TBC1D22B: variants seen among roughly 807,000 people sequenced by gnomAD.
The protein encoded by TBC1D22B is TBC1 domain family member 22B.
Under a neutral mutation model 69.1 loss-of-function variants are expected in TBC1D22B, and 32 were observed. That is an observed-to-expected ratio of 0.46 (90% CI 0.35 to 0.62). The LOEUF is 0.62. Ranked by LOEUF, TBC1D22B falls within the 20% of genes least tolerant of loss-of-function variation. TBC1D22B has a pLI of 0.00. For missense variants in TBC1D22B, 462 were observed against 630.9 expected (o/e 0.73, Z 2.87); for synonymous variants, 206 against 229.8 (o/e 0.90, Z 0.94).
chr6:37,317,525 A>G (rs1179411658), intron 12 of TBC1D22B, among the ~76,000 whole-genome samples: 1 of 152,230 alleles, frequency 6.6e-6, no homozygotes, highest in East Asian at 1.9e-4. Context: ...CAAAGGCTAT[A>G]TTAAGAAGTG....
Position 37,269,665 on chromosome 6 carries a change from T to A in TBC1D22B, c.113+15T>A. On this transcript the variant is annotated intron_variant, in intron 2 of 12. Coordinates refer to ENST00000373491, the MANE Select transcript of TBC1D22B (RefSeq NM_017772.4). The stretch of plus-strand genomic sequence containing the variant: ...CTCACCAAAAAGTAAGTCAAGACAT[T>A]TTCGTTTTATCTATCTACTGCTGTC... The A allele has an allele frequency of 1.2e-6, 2 of 1,613,952 alleles. No individual in the cohort carries two copies. Among genetic ancestry groups the A allele is most frequent in the Non-Finnish European group, 1.7e-6 (2 of 1,179,884 alleles).
At position 37,312,962 on chromosome 6, in the gene TBC1D22B, A is replaced by C. The variant is rs1390377579; in HGVS notation, c.1027A>C (p.Met343Leu). ...TGACGTGACCAACTTGTCTCAAGACATGCTGCGAAGCATTGAGGCTGACAG... is the reference window on the plus strand; with the variant it reads ...TGACGTGACCAACTTGTCTCAAGACCTGCTGCGAAGCATTGAGGCTGACAG... ...NFDVTNLSQD[M>L]LRSIEADSFW... is the part of the protein sequence containing the mutation. Residue 343 changes from methionine to leucine, a missense_variant, in exon 9 of 13, where the codon ATG becomes CTG. This residue lies in a region of TBC1D22B where 225 missense variants were observed against 375.4 expected (regional missense o/e 0.60). Coordinates refer to ENST00000373491, the MANE Select transcript of TBC1D22B (RefSeq NM_017772.4). 1.2e-6 allele frequency: 2 copies of C among 1,614,238 alleles called. No individual in the cohort carries two copies. The highest frequency in any genetic ancestry group is 1.7e-6 in the Non-Finnish European group (2 of 1,180,028).
At position 37,257,827 on chromosome 6, in the gene TBC1D22B, G is replaced by A; in HGVS notation, c.-91G>A. On this transcript the variant is annotated 5_prime_UTR_variant, in exon 1 of 13. Coordinates refer to ENST00000373491, the MANE Select transcript of TBC1D22B (RefSeq NM_017772.4). ...AGCGGGTGACCGGCGGCGGGGAAGCGGCCTGGGTTGGCCCTCAGATTGCGG... is the reference window on the plus strand; with the variant it reads ...AGCGGGTGACCGGCGGCGGGGAAGCAGCCTGGGTTGGCCCTCAGATTGCGG... The A allele has an allele frequency of 2.1e-6, 3 of 1,444,512 alleles. No homozygotes were observed. Among genetic ancestry groups the A allele is most frequent in the Non-Finnish European group, 2.8e-6 (3 of 1,059,770 alleles). The allele number at this position is 1,444,512 out of a possible 1,614,324, so 89.5% of individuals were successfully genotyped here. A position where few individuals can be genotyped will look rare whatever the true frequency, so the allele number is the denominator to read the frequency against.
chr6:37,296,969 G>A (rs1447829754), intron 8 of TBC1D22B, among the ~76,000 whole-genome samples: 1 of 152,010 alleles, frequency 6.6e-6, no homozygotes, highest in Non-Finnish European at 1.5e-5. Context: ...TGGGACTATA[G>A]CCTTGCACCA....
At chr6:37,314,311 A>G (rs1248735542) in intron 10 of TBC1D22B, among the ~76,000 whole-genome samples, 1 of 152,014 alleles carries the variant, frequency 6.6e-6, no homozygotes, top group African/African-American at 2.4e-5. Context: ...GAAGCCTCCC[A>G]TAGCTCTCCA....
intron 11 of TBC1D22B, 52 bp from the exon 12 acceptor site, chr6:37,317,059 G>A: frequency 6.5e-7 from 1 of 1,531,736 alleles, no homozygotes; most frequent in Admixed American, 2.0e-5. Flanking sequence ...GAGGACCAGA[G>A]CTGAATCTTT....
chr6:37,327,334 C>A lies in TBC1D22B; in HGVS notation c.1390-3710C>A, dbSNP rs181262181. Among the ~76,000 whole-genome samples, 100 of 135,422 alleles carry A rather than the reference C, an allele frequency of 7.4e-4. 7 individuals are homozygous for A. The highest frequency in any genetic ancestry group is 1.3e-3 in the Non-Finnish European group (87 of 64,906). The allele number at this position is 135,422 out of a possible 152,430, so 88.8% of individuals were successfully genotyped here. ...TCTACTAAAAATGCAAAAAATTAGCCGGGCGTGGTGGTGGGCGCCTGTAGT... is the reference window on the plus strand; with the variant it reads ...TCTACTAAAAATGCAAAAAATTAGCAGGGCGTGGTGGTGGGCGCCTGTAGT... On this transcript the variant is annotated intron_variant, in intron 12 of 12. Transcript: ENST00000373491.
At chr6:37,287,346 C>T (rs1282067156) in intron 7 of TBC1D22B, among the ~76,000 whole-genome samples, 3 of 152,172 alleles carry the variant, frequency 2.0e-5, no homozygotes, top group African/African-American at 7.2e-5. Flanking sequence ...CCTGTATTTG[C>T]TCTACTTTAT....
intron 8 of TBC1D22B, among the ~76,000 whole-genome samples, chr6:37,300,339 T>G (rs1362127767): frequency 6.6e-6 from 1 of 151,378 alleles, no homozygotes; most frequent in African/African-American, 2.4e-5. Flanking sequence ...ATAAAGTTGT[T>G]AAATTATTAT....
chr6:37,305,123 T>G (rs1380642223), intron 8 of TBC1D22B, among the ~76,000 whole-genome samples: 2 of 152,196 alleles, frequency 1.3e-5, no homozygotes, highest in Admixed American at 1.3e-4. Flanking sequence ...TGTTGTGGAT[T>G]GTGCTCGCCC....
chr6:37,319,905 C>T (rs967419343), intron 12 of TBC1D22B, among the ~76,000 whole-genome samples: 1 of 152,136 alleles, frequency 6.6e-6, no homozygotes, highest in African/African-American at 2.4e-5. Context: ...AGAAAGTAGG[C>T]ACATGTATCC....
chr6:37,269,552 C>A, intron 1 of TBC1D22B, 42 bp from the exon 2 acceptor site: 1 of 1,589,544 alleles, frequency 6.3e-7, no homozygotes, highest in Non-Finnish European at 8.6e-7. Context: ...ATTTAGTTTC[C>A]TAACTAAACT....
chr6:37,289,604 C>CA, intron 7 of TBC1D22B, among the ~76,000 whole-genome samples: 1 of 152,212 alleles, frequency 6.6e-6, no homozygotes, highest in East Asian at 1.9e-4. Context: ...TGAGTATTTA[C>CA]AAGGGGCTGA....
At chr6:37,307,162 A>G (rs189184602) in intron 8 of TBC1D22B, among the ~76,000 whole-genome samples, 1 of 152,308 alleles carries the variant, frequency 6.6e-6, no homozygotes, top group East Asian at 1.9e-4. Context: ...ACGTTTATAT[A>G]TAGCGCTTGA....
chr6:37,301,039 C>T (rs569604162), intron 8 of TBC1D22B, among the ~76,000 whole-genome samples: 32 of 152,252 alleles, frequency 2.1e-4, no homozygotes, highest in African/African-American at 7.5e-4. Flanking sequence ...TTTTAGATAC[C>T]TCATGTAAGT....
chr6:37,311,947 T>C (rs2113779599), intron 8 of TBC1D22B, among the ~76,000 whole-genome samples: 1 of 152,324 alleles, frequency 6.6e-6, no homozygotes, highest in African/African-American at 2.4e-5. Context: ...GAGTTAAACA[T>C]GGGCTAGGAA....
intron 8 of TBC1D22B, among the ~76,000 whole-genome samples, chr6:37,294,487 A>G (rs1438251474): frequency 1.3e-5 from 2 of 152,142 alleles, no homozygotes; most frequent in Non-Finnish European, 2.9e-5. Flanking sequence ...GCCATCTAGG[A>G]CTTTCATAGC....
At chr6:37,304,781 C>G (rs2113770328) in intron 8 of TBC1D22B, among the ~76,000 whole-genome samples, 1 of 152,082 alleles carries the variant, frequency 6.6e-6, no homozygotes, top group African/African-American at 2.4e-5. Flanking sequence ...CGTAATTCTA[C>G]TTTTTTAAAA....
chr6:37,304,765 A>C (rs909905041), intron 8 of TBC1D22B, among the ~76,000 whole-genome samples: 5 of 152,222 alleles, frequency 3.3e-5, no homozygotes, highest in Non-Finnish European at 7.3e-5. Context: ...TGTGCAGTTT[A>C]CTATGCGTAA....
Sources: gnomAD v4.1 joint callset for allele counts (sites outside exome capture counted in the v4.1 genomes callset) on GRCh38, gnomAD v4.1.1 for gene constraint, gnomAD v4.1.1 regional missense constraint, MANE v1.5 for transcripts, NCBI Gene and HGNC (gene_info 2026-07-23, HGNC 2026-07-21) for gene names.